The following DAPK2 variants were observed in gnomAD, a reference collection of about 807,000 sequenced individuals.
DAPK2 encodes the protein death-associated protein kinase 2.
In DAPK2, 35 loss-of-function variants were observed where a neutral mutation model predicts 44.1. The observed-to-expected ratio is 0.79, with a 90% CI of 0.61 to 1.05. DAPK2 has a LOEUF of 1.05. Ranked by LOEUF, DAPK2 falls within the 50% of genes least tolerant of loss-of-function variation. The pLI, the probability that DAPK2 is intolerant of heterozygous loss-of-function variation, is 0.00. For missense variants in DAPK2, 453 were observed against 483.2 expected (o/e 0.94, Z 0.59); for synonymous variants, 174 against 182.6 (o/e 0.95, Z 0.38).
chr15:63,983,690 A>G, exon 2 of DAPK2: 1 of 1,613,828 alleles, frequency 6.2e-7, no homozygotes. Context: ...TTCTTGATGA[A>G]CTTGGCTGCA....
chr15:64,011,525 C>G (rs942948189), intron 1 of DAPK2, among the ~76,000 whole-genome samples: 2 of 152,278 alleles, frequency 1.3e-5, no homozygotes, highest in Non-Finnish European at 2.9e-5. Context: ...TCAAAACACT[C>G]AAGTGTTTGT....
chr15:64,019,104 A>G (rs2079613716), intron 1 of DAPK2, among the ~76,000 whole-genome samples: 1 of 152,126 alleles, frequency 6.6e-6, no homozygotes, highest in Non-Finnish European at 1.5e-5. Context: ...CCACCCCAAC[A>G]TTCCAAATCC....
At chr15:63,963,146 G>A (rs939152534) in intron 3 of DAPK2, among the ~76,000 whole-genome samples, 4 of 152,204 alleles carry the variant, frequency 2.6e-5, no homozygotes, top group African/African-American at 7.2e-5. Flanking sequence ...GGGACCCTCT[G>A]AGCCAGGCAC....
intron 1 of DAPK2, among the ~76,000 whole-genome samples, chr15:63,988,564 G>A (rs921784760): frequency 7.3e-5 from 11 of 151,394 alleles, no homozygotes; most frequent in African/African-American, 2.7e-4. Flanking sequence ...GAGTACGGTG[G>A]CGCAATCTCG....
intron 1 of DAPK2, among the ~76,000 whole-genome samples, chr15:64,033,287 G>GGAAGGAA: frequency 0.014 from 723 of 51,060 alleles, 35 homozygotes; most frequent in African/African-American, 0.036. Context: ...AGGGGGAAGG[G>GGAAGGAA]GGAAGGAAGG....
rs2077256746 is a variant in DAPK2 at position 63,939,681 on chromosome 15, C to A, written c.454-320G>T. Among the ~76,000 whole-genome samples the A allele has an allele frequency of 6.6e-6, 1 of 152,158 alleles. No homozygotes were observed. Among genetic ancestry groups the A allele is most frequent in the African/African-American group, 2.4e-5 (1 of 41,434 alleles). On this transcript the variant is annotated intron_variant, in intron 3 of 10. Transcript: ENST00000261891. The surrounding 1 kb of genome is among the most constrained non-coding windows in gnomAD (Gnocchi z 4.3). ...CCTTTAATGCAGTGCCTCTGTTTTC[C>A]TATCTGTCAAATGGGGCCAATGAGA... is the stretch of plus-strand genomic sequence containing the variant.
intron 4 of DAPK2, among the ~76,000 whole-genome samples, chr15:63,935,027 A>G (rs761865675): frequency 3.4e-5 from 5 of 147,120 alleles, no homozygotes; most frequent in Non-Finnish European, 7.5e-5. Context: ...GGCAAACTCT[A>G]TATCAATGTT....
chr15:63,907,366 T>C (rs1251117812), exon 11 of DAPK2: 2 of 151,988 alleles, frequency 1.3e-5, no homozygotes, highest in Non-Finnish European at 2.9e-5. Flanking sequence ...ACTCAGCTCC[T>C]AACAGCAGGA....
chr15:63,932,609 A>C (rs2077002531), intron 4 of DAPK2: 2 of 152,028 alleles, frequency 1.3e-5, no homozygotes, highest in East Asian at 1.9e-4. Context: ...AAAAGAGGAC[A>C]GTAGCTTGAG....
chr15:63,929,227 A>G (rs1301300918), intron 6 of DAPK2, among the ~76,000 whole-genome samples: 2 of 151,818 alleles, frequency 1.3e-5, no homozygotes, highest in Non-Finnish European at 2.9e-5. Flanking sequence ...GTTCTGAGTG[A>G]AAAGTGACAT....
Position 63,923,699 on chromosome 15 carries a change from G to A in DAPK2, c.858+1117C>T, listed in dbSNP as rs2079155437. On this transcript the variant is annotated intron_variant, in intron 8 of 10. Transcript: ENST00000261891. The surrounding 1 kb of genome is among the most constrained non-coding windows in gnomAD (Gnocchi z 4.2). ...GCCAGGGCTCACGCAGCAGGGCTGA[G>A]GAGCATCTCTCCTTCAGGGCTCCTT... Among the ~76,000 whole-genome samples the A allele has an allele frequency of 6.6e-6, 1 of 152,246 alleles. No homozygotes were observed. The highest frequency in any genetic ancestry group is 2.4e-5 in the African/African-American group (1 of 41,460).
chr15:63,922,939 G>C, intron 8 of DAPK2: 1 of 1,535,892 alleles, frequency 6.5e-7, no homozygotes, highest in Non-Finnish European at 8.7e-7. Flanking sequence ...CTTGCAGATG[G>C]TCCAGTTTCC....
chr15:63,918,052 C>G (rs762676925), intron 8 of DAPK2: 1 of 152,198 alleles, frequency 6.6e-6, no homozygotes, highest in African/African-American at 2.4e-5. Flanking sequence ...GCAACGTGAA[C>G]ATGCCCACTG....
intron 1 of DAPK2, among the ~76,000 whole-genome samples, chr15:63,987,665 T>C (rs8041460): frequency 0.95 from 144,008 of 152,254 alleles, 68,636 homozygotes; most frequent in East Asian, 1. Flanking sequence ...CCATCTGCCA[T>C]CCCAGGTCTC....
At chr15:64,016,085 G>T (rs1346495145) in intron 1 of DAPK2, among the ~76,000 whole-genome samples, 1 of 152,234 alleles carries the variant, frequency 6.6e-6, no homozygotes, top group African/African-American at 2.4e-5. Context: ...CAGGGCCCAC[G>T]CAGCGCAGGG....
At chr15:64,036,316 TATGTATATATATATATATATAC>T (rs2080191871) in intron 1 of DAPK2, among the ~76,000 whole-genome samples, 2 of 113,296 alleles carry the variant, frequency 1.8e-5, no homozygotes, top group African/African-American at 5.9e-5. Flanking sequence ...TGTGTATATA[TATGTATATATATATATATATAC>T]ATATATATAT....
At chr15:63,998,704 C>T (rs1162355890) in intron 1 of DAPK2, among the ~76,000 whole-genome samples, 1 of 152,238 alleles carries the variant, frequency 6.6e-6, no homozygotes, top group African/African-American at 2.4e-5. Context: ...CACAGCTTGG[C>T]ATCCTCCCCC....
At chr15:64,012,068 A>G (rs2079403255) in intron 1 of DAPK2, among the ~76,000 whole-genome samples, 1 of 152,206 alleles carries the variant, frequency 6.6e-6, no homozygotes, top group South Asian at 2.1e-4. Context: ...ATTTCCTCAC[A>G]CAGTTGCAAG....
At chr15:64,015,494 CAG>C (rs1454484784) in intron 1 of DAPK2, among the ~76,000 whole-genome samples, 1 of 152,136 alleles carries the variant, frequency 6.6e-6, no homozygotes, top group East Asian at 1.9e-4. Flanking sequence ...CAAGAAGAAA[CAG>C]GGGTGGGCAG....
Sources: gnomAD v4.1 joint callset for allele counts (sites outside exome capture counted in the v4.1 genomes callset) on GRCh38, gnomAD v4.1.1 for gene constraint, Gnocchi (gnomAD v3.1) non-coding constraint, MANE v1.5 for transcripts, NCBI Gene and HGNC (gene_info 2026-07-23, HGNC 2026-07-21) for gene names.